Variants in CCDC170 observed in about 807,000 individuals in gnomAD.
CCDC170 encodes the protein coiled-coil domain-containing protein 170.
A neutral mutation model predicts 72.6 loss-of-function variants in CCDC170; 69 were observed. The observed-to-expected ratio is 0.95, with a 90% CI of 0.78 to 1.16. The LOEUF (loss-of-function observed/expected upper bound fraction) is 1.16, where lower values mean the gene tolerates loss of function less well. CCDC170 is among the 50% of genes most tolerant of loss of function. The pLI is 0.00. For synonymous variants in CCDC170, 300 were observed against 303.9 expected (o/e 0.99, Z 0.13); for missense variants, 852 against 832.5 (o/e 1.02, Z -0.29).
At chr6:151,496,399 G>T (rs891150793) in intron 1 of CCDC170, among the ~76,000 whole-genome samples, 4 of 152,148 alleles carry the variant, frequency 2.6e-5, no homozygotes, top group Non-Finnish European at 5.9e-5. Context: ...TTAAGCATGA[G>T]ATTTTAATTG....
chr6:151,590,282 GAGAA>G (rs1052195065), intron 7 of CCDC170, among the ~76,000 whole-genome samples: 3 of 152,144 alleles, frequency 2.0e-5, no homozygotes, highest in South Asian at 2.1e-4. Flanking sequence ...CCAGGGCCTA[GAGAA>G]AGAGTCAATA....
In CCDC170 at chr6:151,536,793, A is replaced by G. The variant is rs146031527; in HGVS notation, c.186+347A>G. ...CATCTCAAAAAAAAAAAAAAAAAAA[A>G]AAAAAGAAAAAGAAAAAGAGACAGA... On this transcript the variant is annotated intron_variant, in intron 2 of 10. Coordinates refer to ENST00000239374, the MANE Select transcript of CCDC170 (RefSeq NM_025059.4). Among the ~76,000 whole-genome samples the G allele has an allele frequency of 3.5e-3, 489 of 138,392 alleles. 3 individuals carry two copies. The highest frequency in any genetic ancestry group is 5.1e-3 in the Non-Finnish European group (309 of 61,120). The allele number at this position is 138,392 out of a possible 152,430, so 90.8% of individuals were successfully genotyped here.
chr6:151,536,176 C>T, intron 1 of CCDC170, 142 bp from the exon 2 acceptor site: 1 of 959,968 alleles, frequency 1.0e-6, no homozygotes, highest in East Asian at 2.6e-5. Flanking sequence ...ATGGTCTGAA[C>T]ATAACACTTC....
intron 10 of CCDC170, among the ~76,000 whole-genome samples, chr6:151,617,581 C>G (rs1448796268): frequency 6.6e-6 from 1 of 151,994 alleles, no homozygotes; most frequent in Non-Finnish European, 1.5e-5. Flanking sequence ...TTCATGTGAT[C>G]TGAATTTCAG....
chr6:151,544,014 A>C (rs1373511254), intron 3 of CCDC170, among the ~76,000 whole-genome samples: 1 of 152,172 alleles, frequency 6.6e-6, no homozygotes, highest in Non-Finnish European at 1.5e-5. Context: ...GAAAACTAAT[A>C]ATGAACTTTG....
intron 1 of CCDC170, among the ~76,000 whole-genome samples, chr6:151,509,740 G>A (rs1477419963): frequency 6.6e-6 from 1 of 152,142 alleles, no homozygotes; most frequent in East Asian, 1.9e-4. Flanking sequence ...CAATAGTCTT[G>A]GAGACAGCAA....
intron 7 of CCDC170, among the ~76,000 whole-genome samples, chr6:151,588,342 A>C (rs955116831): frequency 2.6e-5 from 4 of 152,126 alleles, no homozygotes; most frequent in Admixed American, 1.3e-4. Flanking sequence ...CACACACACA[A>C]AACAAACAAA....
At chr6:151,585,723 A>G (rs764782112) in intron 6 of CCDC170, among the ~76,000 whole-genome samples, 166 bp from the exon 7 acceptor site, 52 of 152,386 alleles carry the variant, frequency 3.4e-4, no homozygotes, top group Middle Eastern at 6.8e-3. Flanking sequence ...GATTATTTCA[A>G]ACAGAGGCAA....
rs1442684865 is a variant in CCDC170, at chr6:151,504,416, TA to T, written c.57+10235del. Among the ~76,000 whole-genome samples, 5 of 150,122 alleles carry T rather than the reference TA, an allele frequency of 3.3e-5. No homozygotes were observed. In the South Asian group the frequency reaches 6.2e-4, roughly 19 times the overall value. ...TAGGTAAATAGTAATTGGTAATAAA[TA>T]AAATTTTTACCAATTTTACCAATAA... On this transcript the variant is annotated intron_variant, in intron 1 of 10. Transcript: ENST00000239374.
chr6:151,579,966 G>C (rs1776358171), intron 6 of CCDC170, among the ~76,000 whole-genome samples: 1 of 152,178 alleles, frequency 6.6e-6, no homozygotes, highest in African/African-American at 2.4e-5. Flanking sequence ...AGGGGAAATT[G>C]AAACCAGGGC....
chr6:151,596,281 A>G, intron 8 of CCDC170, 54 bp from the exon 9 acceptor site: 1 of 1,510,540 alleles, frequency 6.6e-7, no homozygotes. Flanking sequence ...TAACTCATTT[A>G]TATTTACTAT....
At chr6:151,596,208 A>G in intron 8 of CCDC170, 127 bp from the exon 9 acceptor site, 1 of 1,150,766 alleles carries the variant, frequency 8.7e-7, no homozygotes, top group Non-Finnish European at 1.2e-6. Flanking sequence ...GAATCCAATG[A>G]CTTTTTTGAT....
At chr6:151,602,044 T>C (rs540889731) in intron 9 of CCDC170, among the ~76,000 whole-genome samples, 43 of 152,328 alleles carry the variant, frequency 2.8e-4, no homozygotes, top group African/African-American at 1.0e-3. Flanking sequence ...TATGAACATT[T>C]GGGTCAAAGC....
chr6:151,522,570 G>A (rs1413344304), intron 1 of CCDC170, among the ~76,000 whole-genome samples: 1 of 152,096 alleles, frequency 6.6e-6, no homozygotes, highest in Non-Finnish European at 1.5e-5. Flanking sequence ...AGTTTAGCCT[G>A]TGCAGTCTAA....
At chr6:151,542,817 C>T (rs1189741637) in intron 3 of CCDC170, among the ~76,000 whole-genome samples, 4 of 152,124 alleles carry the variant, frequency 2.6e-5, no homozygotes, top group Non-Finnish European at 5.9e-5. Context: ...GTATGGAATC[C>T]TATATGTATA....
At chr6:151,526,127 C>A (rs899227635) in intron 1 of CCDC170, among the ~76,000 whole-genome samples, 3 of 149,868 alleles carry the variant, frequency 2.0e-5, no homozygotes, top group African/African-American at 7.5e-5. Context: ...TTTCTTCCTT[C>A]CTTCCTTCCC....
intron 5 of CCDC170, among the ~76,000 whole-genome samples, chr6:151,564,387 A>T (rs893895198): frequency 5.3e-5 from 8 of 151,872 alleles, no homozygotes; most frequent in Non-Finnish European, 8.8e-5. Flanking sequence ...TCAGGCCCCG[A>T]TGGGAACAGC....
intron 1 of CCDC170, among the ~76,000 whole-genome samples, chr6:151,507,183 C>G (rs1033518358): frequency 5.9e-5 from 9 of 152,162 alleles, no homozygotes; most frequent in African/African-American, 2.2e-4. Flanking sequence ...AGACCCAAAG[C>G]TGGGAAGAGC....
chr6:151,514,736 C>T lies in CCDC170; in HGVS notation c.57+20551C>T, dbSNP rs1782210925. On this transcript the variant is annotated intron_variant, in intron 1 of 10. Transcript: ENST00000239374. The stretch of plus-strand genomic sequence containing the variant: ...GTAGGTGGGGAAAGATGGATCAGGT[C>T]TGCATTTCAGAGTGGCTACTTTGTG... Among the ~76,000 whole-genome samples, 10 of 152,252 alleles carry T rather than the reference C, an allele frequency of 6.6e-5. No homozygotes were observed. The South Asian group carries it at 2.1e-3, about 32-fold the overall frequency.
Sources: allele counts gnomAD v4.1 joint callset (sites outside exome capture counted in the v4.1 genomes callset), GRCh38; gene constraint gnomAD v4.1.1; transcripts MANE v1.5; gene names NCBI Gene and HGNC (gene_info 2026-07-23, HGNC 2026-07-21).